Variants in AFG2A observed in about 807,000 individuals in gnomAD.
The protein encoded by AFG2A is AAA ATPase AFG2A.
chr4:123,050,106 T>C, the AFG2A span, among the ~76,000 whole-genome samples: 8 of 152,298 alleles, frequency 5.3e-5, no homozygotes, highest in South Asian at 4.1e-4. Flanking sequence ...CTGTACAGTT[T>C]CCAAAGTTGT....
the AFG2A span, among the ~76,000 whole-genome samples, chr4:123,124,779 T>G: frequency 6.6e-6 from 1 of 152,218 alleles, no homozygotes; most frequent in South Asian, 2.1e-4. Context: ...TGTCACAAAA[T>G]AGTTAACTTG....
chr4:122,932,226 G>C, the AFG2A span, among the ~76,000 whole-genome samples: 2 of 150,874 alleles, frequency 1.3e-5, no homozygotes, highest in Admixed American at 6.6e-5. Context: ...AGTGAGCTGA[G>C]ATCACACCAC....
At chr4:123,309,257 A>C in the AFG2A span, among the ~76,000 whole-genome samples, 1 of 152,126 alleles carries the variant, frequency 6.6e-6, no homozygotes, top group African/African-American at 2.4e-5. Flanking sequence ...AAATAATACA[A>C]ATTTATTGCT....
the AFG2A span, among the ~76,000 whole-genome samples, chr4:123,224,727 G>A: frequency 6.6e-6 from 1 of 152,170 alleles, no homozygotes; most frequent in Non-Finnish European, 1.5e-5. Context: ...TATATACCCA[G>A]TAATGGGATG....
chr4:122,976,149 T>C, the AFG2A span, among the ~76,000 whole-genome samples: 1 of 152,202 alleles, frequency 6.6e-6, no homozygotes, highest in Non-Finnish European at 1.5e-5. Flanking sequence ...TCATGGGAGC[T>C]AGCTGGTGTT....
chr4:122,994,387 A>G, the AFG2A span, among the ~76,000 whole-genome samples: 1 of 152,136 alleles, frequency 6.6e-6, no homozygotes, highest in African/African-American at 2.4e-5. Context: ...TTGTATTCAT[A>G]TATTATCGTT....
chr4:123,298,490 C>G, the AFG2A span, among the ~76,000 whole-genome samples: 2 of 152,194 alleles, frequency 1.3e-5, no homozygotes, highest in Non-Finnish European at 2.9e-5. Context: ...AATTGGCTTT[C>G]CATCCCTAGC....
the AFG2A span, among the ~76,000 whole-genome samples, chr4:122,981,907 G>A: frequency 0.01 from 1,532 of 151,266 alleles, 37 homozygotes; most frequent in African/African-American, 0.036. Flanking sequence ...TTTTTTGGTG[G>A]AATATTTAGG....
chr4:123,127,352 G>A, the AFG2A span, among the ~76,000 whole-genome samples: 2 of 152,136 alleles, frequency 1.3e-5, no homozygotes, highest in Non-Finnish European at 2.9e-5. Context: ...TTTTATAGTT[G>A]TAAAAATTTC....
chr4:123,130,216 T>C, the AFG2A span, among the ~76,000 whole-genome samples: 3 of 152,084 alleles, frequency 2.0e-5, no homozygotes, highest in African/African-American at 7.2e-5. Flanking sequence ...GAGGTCTCTC[T>C]ATGTTGCTGA....
the AFG2A span, among the ~76,000 whole-genome samples, chr4:123,114,609 C>T: frequency 1.3e-4 from 20 of 152,348 alleles, no homozygotes; most frequent in African/African-American, 4.8e-4. Context: ...CCTGAGTCTG[C>T]TGATGATGGG....
At chr4:123,121,270 A>G in the AFG2A span, among the ~76,000 whole-genome samples, 1 of 151,572 alleles carries the variant, frequency 6.6e-6, no homozygotes, top group Non-Finnish European at 1.5e-5. Context: ...ATAATAAATA[A>G]AAAATTTATA....
At chr4:123,165,596 AAGT>A in the AFG2A span, among the ~76,000 whole-genome samples, 2 of 152,084 alleles carry the variant, frequency 1.3e-5, no homozygotes, top group African/African-American at 2.4e-5. Context: ...ATATTGAACT[AAGT>A]AGAATTTTTA....
the AFG2A span, among the ~76,000 whole-genome samples, chr4:123,002,618 T>A: frequency 6.6e-6 from 1 of 152,226 alleles, no homozygotes; most frequent in Non-Finnish European, 1.5e-5. Flanking sequence ...TCTTTAAGAA[T>A]GTTGAATATT....
At chr4:123,129,523 A>G in the AFG2A span, among the ~76,000 whole-genome samples, 1 of 152,130 alleles carries the variant, frequency 6.6e-6, no homozygotes, top group African/African-American at 2.4e-5. Context: ...AGAAAAACTA[A>G]CAGTCTCTGC....
At chr4:123,101,873 C>T in the AFG2A span, among the ~76,000 whole-genome samples, 2 of 151,912 alleles carry the variant, frequency 1.3e-5, no homozygotes, top group African/African-American at 4.8e-5. Flanking sequence ...AAGCTCAAAA[C>T]TAACAGAAAC....
At chr4:123,258,923 G>A in the AFG2A span, among the ~76,000 whole-genome samples, 12 of 143,354 alleles carry the variant, frequency 8.4e-5, no homozygotes, top group East Asian at 2.5e-3. Context: ...CTGGAGTGCA[G>A]TGGCACGATC....
chr4:123,053,226 A>G, the AFG2A span, among the ~76,000 whole-genome samples: 1 of 151,968 alleles, frequency 6.6e-6, no homozygotes, highest in South Asian at 2.1e-4. Flanking sequence ...CATCACAGAG[A>G]CTCTCTGAGC....
chr4:123,181,249 G>T, the AFG2A span, among the ~76,000 whole-genome samples: 1 of 151,878 alleles, frequency 6.6e-6, no homozygotes, highest in Non-Finnish European at 1.5e-5. Context: ...CTCCCAAAGT[G>T]CTGGGATTAC....
Sources: allele counts gnomAD v4.1 joint callset (sites outside exome capture counted in the v4.1 genomes callset), GRCh38; gene constraint gnomAD v4.1.1; transcripts MANE v1.5; gene names NCBI Gene and HGNC (gene_info 2026-07-23, HGNC 2026-07-21).